RADIL: variants seen among roughly 807,000 people sequenced by gnomAD.
RADIL encodes the protein ras-associating and dilute domain-containing protein.
In RADIL, 99 loss-of-function variants were observed where a neutral mutation model predicts 97.6. The observed-to-expected ratio is 1.01, with a 90% CI of 0.86 to 1.20. The LOEUF (loss-of-function observed/expected upper bound fraction) is 1.20. Among genes scored for constraint, RADIL ranks in the 50% most tolerant of loss-of-function variants. The probability of loss-of-function intolerance (pLI) is 0.00; values close to 1 mark genes in which losing one functional copy is unlikely to be tolerated. For synonymous variants in RADIL, 803 were observed against 691.8 expected (o/e 1.16, Z -2.52); for missense variants, 1,765 against 1,498.9 (o/e 1.18, Z -2.93).
At chr7:4,805,511 G>T in intron 10 of RADIL, 55 bp downstream of exon 10, 2 of 1,492,120 alleles carry the variant, frequency 1.3e-6, no homozygotes, top group Non-Finnish European at 1.8e-6. Flanking sequence ...CTCCAGCCTC[G>T]GGGCGAGTCT....
In RADIL at chr7:4,819,536, G is replaced by C. The variant is rs1165325881; in HGVS notation, c.1616-2185C>G. On this transcript the variant is annotated intron_variant, in intron 6 of 14. Transcript: ENST00000399583. The surrounding 1 kb of genome is among the most constrained non-coding windows in gnomAD (Gnocchi z 5.8). ...TGAGGAAGCTGGCCCTATCCCTAAA[G>C]AAGAAGGCGCTGAGCTCCAGCCACG... Among the ~76,000 whole-genome samples the C allele has an allele frequency of 2.0e-5, 3 of 152,146 alleles. No individual in the cohort carries two copies. The highest frequency in any genetic ancestry group is 7.2e-5 in the African/African-American group (3 of 41,420).
At position 4,827,129 on chromosome 7, in the gene RADIL, C is replaced by T. The variant is rs182079777; in HGVS notation, c.1455-4575G>A. Among the ~76,000 whole-genome samples, 30 of 152,212 alleles carry T rather than the reference C, an allele frequency of 2.0e-4. No individual in the cohort carries two copies. In the East Asian group the frequency reaches 3.7e-3, roughly 19 times the overall value. ...CCTGTCATCCCAGCACTTTGGGAGG[C>T]CAAGGTGGGCAGATTGCTTGAGGTC... On this transcript the variant is annotated intron_variant, in intron 5 of 14. Transcript: ENST00000399583.
Position 4,881,431 on chromosome 7 carries a change from A to AG in RADIL, c.-65+2164_-65+2165insC, listed in dbSNP as rs1208625670. The stretch of plus-strand genomic sequence containing the variant: ...CTCCCTCTCAAAAAAAAAAAAAAAA[A>AG]AAAGACAAAAATTGGCTGGGCATGG... On this transcript the variant is annotated intron_variant, in intron 1 of 14. Coordinates refer to ENST00000399583, the MANE Select transcript of RADIL (RefSeq NM_018059.5). 5.0e-3 allele frequency among the ~76,000 whole-genome samples: 726 copies of AG among 144,260 alleles called. 11 individuals carry two copies. The highest frequency in any genetic ancestry group is 0.018 in the African/African-American group (681 of 38,706). The allele number at this position is 144,260 out of a possible 152,430, so 94.6% of individuals were successfully genotyped here.
intron 12 of RADIL, among the ~76,000 whole-genome samples, chr7:4,800,897 G>A (rs1243933686): frequency 1.3e-5 from 2 of 152,178 alleles, no homozygotes; most frequent in Non-Finnish European, 2.9e-5. Context: ...CTCTGACTCT[G>A]CACACGCACC....
Position 4,877,762 on chromosome 7 carries a change from C to T in RADIL, c.378G>A (p.Trp126Ter). 6.2e-7 allele frequency: 1 copy of T among 1,613,270 alleles called. No homozygotes were observed. The highest frequency in any genetic ancestry group is 8.5e-7 in the Non-Finnish European group (1 of 1,180,020). ...VGQAGDAGQR[W>*]QARCFRVFGD... ...CAAACACCCGAAAGCACCGGGCCTG[C>T]CACCGCTGCCCAGCATCGCCGGCTT... is the stretch of plus-strand genomic sequence containing the variant. The change falls in exon 2 of 15, where the codon TGG (tryptophan) becomes TGA (stop). Residue 126 changes from tryptophan to a stop codon, truncating the protein, a stop_gained. Transcript: ENST00000399583. LOFTEE classifies it high-confidence loss of function.
At chr7:4,860,570 A>G (rs1397291678) in intron 2 of RADIL, 1 of 1,614,216 alleles carries the variant, frequency 6.2e-7, no homozygotes, top group South Asian at 1.1e-5. Flanking sequence ...CACATGTGCC[A>G]GTGTAATAAA....
At chr7:4,830,011 C>T (rs894342721) in intron 5 of RADIL, among the ~76,000 whole-genome samples, 4 of 152,140 alleles carry the variant, frequency 2.6e-5, no homozygotes, top group African/African-American at 7.2e-5. Flanking sequence ...CAGCCTGAGC[C>T]CCCCAGACAC....
intron 11 of RADIL, 126 bp from the exon 12 acceptor site, chr7:4,802,121 G>T: frequency 1.4e-6 from 1 of 739,606 alleles, no homozygotes. Context: ...AAGGACTCCC[G>T]CAGCCTGTGC....
chr7:4,834,869 G>A lies in RADIL; in HGVS notation c.1154C>T (p.Ala385Val), dbSNP rs1783250843. 7.4e-6 allele frequency: 10 copies of A among 1,346,076 alleles called. No homozygotes were observed. Among genetic ancestry groups the A allele is most frequent in the East Asian group, 3.1e-5 (1 of 32,298 alleles). 83.4% of individuals were successfully genotyped at this position (1,346,076 alleles called of 1,614,324 possible). A position where few individuals can be genotyped will look rare whatever the true frequency, so the allele number is the denominator to read the frequency against. ...VPQSCRLCGA[A>V]LGARGAASPT... is the part of the protein sequence containing the mutation. ...GGAGGCGGCTCCCCGGGCCCCGAGCGCGGCCCCGCACAGCCGGCAGCTCTG... is the reference window on the plus strand; with the variant it reads ...GGAGGCGGCTCCCCGGGCCCCGAGCACGGCCCCGCACAGCCGGCAGCTCTG... The change falls in exon 4 of 15, where the codon GCG becomes GTG. Residue 385 changes from alanine to valine, a missense_variant. Ala to Val is a moderately conservative substitution (Grantham distance 64). Coordinates refer to ENST00000399583, the MANE Select transcript of RADIL (RefSeq NM_018059.5). This position sits in a 1 kb window ranked among gnomAD's most constrained non-coding sequence, Gnocchi z 6.0.
chr7:4,874,068 G>T (rs950319932), intron 2 of RADIL, among the ~76,000 whole-genome samples: 4 of 152,206 alleles, frequency 2.6e-5, no homozygotes, highest in Non-Finnish European at 4.4e-5. Flanking sequence ...TCCCCGTTCC[G>T]TGCCTCCAAG....
chr7:4,842,183 T>A lies in RADIL; in HGVS notation c.536-5578A>T, dbSNP rs10226141. On this transcript the variant is annotated intron_variant, in intron 2 of 14. Coordinates refer to ENST00000399583, the MANE Select transcript of RADIL (RefSeq NM_018059.5). This position sits in a 1 kb window ranked among gnomAD's most constrained non-coding sequence, Gnocchi z 4.5. ...GCCTTTGACAATGGGATAGAAGGAG[T>A]AGAAAGTGCAGGGCGCCGGGGCAAT... is the stretch of plus-strand genomic sequence containing the variant. Among the ~76,000 whole-genome samples the A allele has an allele frequency of 0.022, 3,331 of 149,632 alleles. 142 individuals are homozygous for A. The highest frequency in any genetic ancestry group is 0.078 in the African/African-American group (3,182 of 40,610).
At position 4,801,871 on chromosome 7, in the gene RADIL, G is replaced by A; in HGVS notation, c.2624C>T (p.Pro875Leu). 6.3e-7 allele frequency: 1 copy of A among 1,590,536 alleles called. No homozygotes were observed. Among genetic ancestry groups the A allele is most frequent in the Non-Finnish European group, 8.6e-7 (1 of 1,169,128 alleles). Reference sequence around the variant, plus strand: ...CCTTCCAGGGGGGGCCTGTGCCCAGGGAGCCCCCCTCAAGGGAAGAGTACG... The same window carrying A: ...CCTTCCAGGGGGGGCCTGTGCCCAGAGAGCCCCCCTCAAGGGAAGAGTACG... ...PERTLPLRGAPWAQAPPGRQP... is the reference protein window; with the variant it reads ...PERTLPLRGALWAQAPPGRQP... Residue 875 changes from proline to leucine, a missense_variant, in exon 12 of 15, where the codon CCC (proline) becomes CTC (leucine). Transcript: ENST00000399583.
At chr7:4,829,983 G>C (rs557023519) in intron 5 of RADIL, among the ~76,000 whole-genome samples, 10 of 152,296 alleles carry the variant, frequency 6.6e-5, no homozygotes, top group Admixed American at 6.5e-4. Context: ...TTGACTTAAG[G>C]GGGTGCTGCC....
intron 2 of RADIL, among the ~76,000 whole-genome samples, chr7:4,863,862 T>G (rs1204169133): frequency 1.3e-5 from 2 of 152,218 alleles, no homozygotes; most frequent in Non-Finnish European, 2.9e-5. Context: ...AACTTAAGTT[T>G]CTCAGTTTCC....
rs1784445440 is a variant in RADIL, at chr7:4,879,673, G to A, written c.-64-1470C>T. 6.6e-6 allele frequency among the ~76,000 whole-genome samples: 1 copy of A among 152,174 alleles called. No homozygotes were observed. The highest frequency in any genetic ancestry group is 1.5e-5 in the Non-Finnish European group (1 of 68,032). Reference sequence around the variant, plus strand: ...GCTGCGGGCGCTGCAAAAGGCTTCTGGAAAGGACGGTGGCTGCCTAGGGCC... The same window carrying A: ...GCTGCGGGCGCTGCAAAAGGCTTCTAGAAAGGACGGTGGCTGCCTAGGGCC... On this transcript the variant is annotated intron_variant, in intron 1 of 14. Transcript: ENST00000399583. The surrounding 1 kb of genome is among the most constrained non-coding windows in gnomAD (Gnocchi z 4.1).
intron 2 of RADIL, among the ~76,000 whole-genome samples, chr7:4,866,176 T>C (rs566914344): frequency 7.2e-5 from 11 of 152,282 alleles, no homozygotes; most frequent in African/African-American, 2.6e-4. Flanking sequence ...AGATAAGGTC[T>C]CCTCTGTTAC....
chr7:4,877,472 C>T (rs192488643), intron 2 of RADIL, 133 bp downstream of exon 2: 38 of 972,350 alleles, frequency 3.9e-5, no homozygotes, highest in East Asian at 5.2e-5. Flanking sequence ...ATCCAGGACA[C>T]GGGCTCCGAC....
In RADIL at chr7:4,821,233, C is replaced by T. The variant is rs911132213; in HGVS notation, c.1615+1161G>A. ...CGCCACGCCACGGCCACTCAGGACC[C>T]TCTGGCACTGTGCCCGCCTGACAGC... On this transcript the variant is annotated intron_variant, in intron 6 of 14. Transcript: ENST00000399583. This position sits in a 1 kb window ranked among gnomAD's most constrained non-coding sequence, Gnocchi z 5.2. Among the ~76,000 whole-genome samples, 1 of 152,212 alleles carries T rather than the reference C, an allele frequency of 6.6e-6. No individual in the cohort carries two copies. The highest frequency in any genetic ancestry group is 2.4e-5 in the African/African-American group (1 of 41,462).
At chr7:4,847,962 G>A (rs1311776047) in intron 2 of RADIL, among the ~76,000 whole-genome samples, 4 of 152,104 alleles carry the variant, frequency 2.6e-5, no homozygotes, top group Admixed American at 2.0e-4. Context: ...TAGGGAGGCC[G>A]CAGCAGGCGG....
Sources: gnomAD v4.1 joint callset for allele counts (sites outside exome capture counted in the v4.1 genomes callset) on GRCh38, gnomAD v4.1.1 for gene constraint, Gnocchi (gnomAD v3.1) non-coding constraint, MANE v1.5 for transcripts, NCBI Gene and HGNC (gene_info 2026-07-23, HGNC 2026-07-21) for gene names.